The following ADAMTSL1 variants were observed in gnomAD, a reference collection of about 807,000 sequenced individuals.
The protein encoded by ADAMTSL1 is ADAMTS-like protein 1.
A neutral mutation model predicts 201.8 loss-of-function variants in ADAMTSL1; 126 were observed. The ratio of observed to expected loss-of-function variants is 0.62; its 90% CI spans 0.54 to 0.72. The LOEUF (loss-of-function observed/expected upper bound fraction) is 0.72, where lower values mean the gene tolerates loss of function less well. ADAMTSL1 is among the 30% of genes least tolerant of loss of function. ADAMTSL1 has a pLI of 0.00. For missense variants in ADAMTSL1, 2,679 were observed against 2,277.8 expected, an observed-to-expected ratio of 1.18 and a Z score of -3.59; for synonymous variants, 1,121 against 903.4, an observed-to-expected ratio of 1.24 and a Z score of -4.32.
chr9:18,694,667 C>A (rs538749752), intron 13 of ADAMTSL1, among the ~76,000 whole-genome samples: 1 of 152,088 alleles, frequency 6.6e-6, no homozygotes, highest in Non-Finnish European at 1.5e-5. Context: ...GCATCTCCAC[C>A]CCTATGAAGT....
intron 1 of ADAMTSL1, among the ~76,000 whole-genome samples, chr9:18,017,712 C>T (rs565097741): frequency 5.9e-5 from 9 of 151,988 alleles, no homozygotes; most frequent in Non-Finnish European, 1.2e-4. Context: ...TGTGAACTGG[C>T]TACGTTTCAA....
intron 2 of ADAMTSL1, among the ~76,000 whole-genome samples, chr9:18,446,306 A>T (rs1030930589): frequency 6.6e-6 from 1 of 152,348 alleles, no homozygotes; most frequent in Non-Finnish European, 1.5e-5. Flanking sequence ...GGGGAAAAAA[A>T]TGTTGACATA....
chr9:18,052,047 G>C (rs1272384358), intron 1 of ADAMTSL1, among the ~76,000 whole-genome samples: 2 of 152,186 alleles, frequency 1.3e-5, no homozygotes, highest in Admixed American at 6.5e-5. Flanking sequence ...GATATAAACA[G>C]ATCAAAGTAG....
chr9:18,626,143 A>G (rs1321131021), intron 5 of ADAMTSL1, among the ~76,000 whole-genome samples: 1 of 152,194 alleles, frequency 6.6e-6, no homozygotes, highest in Admixed American at 6.5e-5. Context: ...TATTCATTCA[A>G]CAGCACATAT....
rs536275210 is a variant in ADAMTSL1, at chr9:17,940,041, A to G, written c.87+33119A>G. On this transcript the variant is annotated intron_variant, in intron 1 of 29. Transcript: ENST00000680146. Reference sequence around the variant, plus strand: ...TGAGAAAGGAGGGTGTATTGGGGGGAGGATGAAACAATAGGTGTGGTTAGA... The same window carrying G: ...TGAGAAAGGAGGGTGTATTGGGGGGGGGATGAAACAATAGGTGTGGTTAGA... 2.0e-5 allele frequency among the ~76,000 whole-genome samples: 3 copies of G among 152,048 alleles called. No individual in the cohort carries two copies. The East Asian group carries it at 5.8e-4, about 30-fold the overall frequency.
At chr9:18,477,964 G>C (rs969871569) in intron 1 of ADAMTSL1, among the ~76,000 whole-genome samples, 3 of 152,116 alleles carry the variant, frequency 2.0e-5, no homozygotes, top group African/African-American at 7.2e-5. Context: ...CCTTGAAAAA[G>C]CATATGGAAA....
chr9:18,575,428 A>C, intron 4 of ADAMTSL1, among the ~76,000 whole-genome samples: 1 of 152,144 alleles, frequency 6.6e-6, no homozygotes, highest in East Asian at 1.9e-4. Flanking sequence ...TGAATGTGGA[A>C]TTTTACTATT....
chr9:18,450,781 C>A (rs1471061355), intron 2 of ADAMTSL1, among the ~76,000 whole-genome samples: 1 of 152,116 alleles, frequency 6.6e-6, no homozygotes, highest in Non-Finnish European at 1.5e-5. Context: ...TAGGAAGAGG[C>A]AACATGGTTA....
At chr9:18,499,056 A>T (rs1332173739) in intron 1 of ADAMTSL1, among the ~76,000 whole-genome samples, 1 of 152,260 alleles carries the variant, frequency 6.6e-6, no homozygotes, top group East Asian at 1.9e-4. Context: ...TGGCCTGTAT[A>T]GCTTTTACAC....
At chr9:18,485,853 G>T (rs1821964076) in intron 1 of ADAMTSL1, among the ~76,000 whole-genome samples, 1 of 152,206 alleles carries the variant, frequency 6.6e-6, no homozygotes, top group Admixed American at 6.5e-5. Flanking sequence ...GAGTGGAAAG[G>T]CCTGGAGAAG....
Position 18,908,830 on chromosome 9 carries a change from C to A in ADAMTSL1, c.*282C>A. ...CAGTGGGGGCTCCCTTGAAGAGCTTCCTCCCTCCCAAACCTGGGTCTCAAA... is the reference window on the plus strand; with the variant it reads ...CAGTGGGGGCTCCCTTGAAGAGCTTACTCCCTCCCAAACCTGGGTCTCAAA... On this transcript the variant is annotated 3_prime_UTR_variant, in exon 29 of 29. Transcript: ENST00000380548. The A allele has an allele frequency of 3.3e-6, 1 of 305,982 alleles. No individual in the cohort carries two copies. The highest frequency in any genetic ancestry group is 6.0e-6 in the Non-Finnish European group (1 of 165,496). 19.0% of individuals were successfully genotyped at this position (305,982 alleles called of 1,614,324 possible). A position where few individuals can be genotyped will look rare whatever the true frequency, so the allele number is the denominator to read the frequency against.
chr9:18,033,136 T>A (rs1210493686), intron 1 of ADAMTSL1, among the ~76,000 whole-genome samples: 2 of 152,214 alleles, frequency 1.3e-5, no homozygotes, highest in South Asian at 4.1e-4. Context: ...TAGCGTGTGA[T>A]AAATAGGTCT....
chr9:18,015,898 C>G (rs376856327), intron 1 of ADAMTSL1, among the ~76,000 whole-genome samples: 3 of 152,056 alleles, frequency 2.0e-5, no homozygotes, highest in Admixed American at 2.0e-4. Flanking sequence ...AACTTCTCAT[C>G]TGAGTATTGC....
At chr9:18,087,675 T>C (rs1487419960) in intron 1 of ADAMTSL1, among the ~76,000 whole-genome samples, 1 of 152,166 alleles carries the variant, frequency 6.6e-6, no homozygotes, top group Non-Finnish European at 1.5e-5. Flanking sequence ...TATTTTGGAA[T>C]AGGTGAAATA....
intron 2 of ADAMTSL1, among the ~76,000 whole-genome samples, chr9:18,399,003 A>G (rs1046426936): frequency 6.6e-6 from 1 of 151,912 alleles, no homozygotes; most frequent in Non-Finnish European, 1.5e-5. Context: ...GTGTAAGGGT[A>G]GGGAAATTCA....
At chr9:18,500,250 T>C (rs1158925925) in intron 1 of ADAMTSL1, among the ~76,000 whole-genome samples, 1 of 152,196 alleles carries the variant, frequency 6.6e-6, no homozygotes, top group African/African-American at 2.4e-5. Context: ...CACAAAACTG[T>C]CAGATGTAAA....
intron 2 of ADAMTSL1, among the ~76,000 whole-genome samples, chr9:18,453,944 C>G (rs1173841472): frequency 6.6e-6 from 1 of 152,184 alleles, no homozygotes; most frequent in Non-Finnish European, 1.5e-5. Context: ...CCTCTAGAAC[C>G]ACTCGTAGTA....
chr9:18,571,343 A>T (rs1323514287), intron 3 of ADAMTSL1, among the ~76,000 whole-genome samples: 2 of 152,182 alleles, frequency 1.3e-5, no homozygotes, highest in African/African-American at 4.8e-5. Context: ...TAGAAAAAGG[A>T]GGCAAAGGAA....
chr9:18,125,453 T>G (rs1825693590), intron 1 of ADAMTSL1, among the ~76,000 whole-genome samples: 1 of 152,206 alleles, frequency 6.6e-6, no homozygotes, highest in Non-Finnish European at 1.5e-5. Context: ...ATTTATTTTT[T>G]TCTTGGTTTC....
Sources: allele counts gnomAD v4.1 joint callset (sites outside exome capture counted in the v4.1 genomes callset), GRCh38; gene constraint gnomAD v4.1.1; transcripts MANE v1.5; gene names NCBI Gene and HGNC (gene_info 2026-07-23, HGNC 2026-07-21).